KCNK2: variants seen among roughly 807,000 people sequenced by gnomAD.
The protein encoded by KCNK2 is potassium two pore domain channel subfamily K member 2, also known as potassium channel subfamily K member 2.
In KCNK2, 21 loss-of-function variants were observed where a neutral mutation model predicts 40.5. The observed-to-expected ratio is 0.52, with a 90% confidence interval of 0.37 to 0.75. The LOEUF is 0.75. Ranked by LOEUF, KCNK2 falls within the 30% of genes least tolerant of loss-of-function variation. The pLI is 0.00. For synonymous variants in KCNK2, 191 were observed against 202.2 expected, an observed-to-expected ratio of 0.94 and a Z score of 0.47; for missense variants, 399 against 531.6, an observed-to-expected ratio of 0.75 and a Z score of 2.45.
At chr1:215,079,340 G>C (rs75924026), upstream of KCNK2, among the ~76,000 whole-genome samples, 230 of 152,274 alleles carry the variant, frequency 1.5e-3, no homozygotes, top group Admixed American at 4.6e-3. Flanking sequence ...AGGCTGTACA[G>C]GCAGCATGGT....
chr1:215,053,659 A>G (rs1166910137), intron 1 of KCNK2, among the ~76,000 whole-genome samples: 1 of 152,224 alleles, frequency 6.6e-6, no homozygotes, highest in African/African-American at 2.4e-5. Flanking sequence ...TCTCTTTTGC[A>G]TTGTGTTTCT....
intron 6 of KCNK2, among the ~76,000 whole-genome samples, chr1:215,196,583 G>A (rs1664875450): frequency 6.6e-6 from 1 of 152,108 alleles, no homozygotes; most frequent in South Asian, 2.1e-4. Context: ...AAGACAATAT[G>A]CTTGACACTA....
At chr1:215,125,312 C>T (rs1418325690) in intron 3 of KCNK2, among the ~76,000 whole-genome samples, 3 of 151,708 alleles carry the variant, frequency 2.0e-5, no homozygotes, top group Non-Finnish European at 4.4e-5. Flanking sequence ...AAGTTTAGAC[C>T]CCTGATGTTT....
chr1:215,016,661 C>T (rs1656597871), intron 1 of KCNK2, among the ~76,000 whole-genome samples: 1 of 152,026 alleles, frequency 6.6e-6, no homozygotes, highest in Non-Finnish European at 1.5e-5. Context: ...CTGGACAAAA[C>T]ATGGGAAAAC....
chr1:215,044,573 T>C (rs950231711), intron 1 of KCNK2, among the ~76,000 whole-genome samples: 1 of 152,098 alleles, frequency 6.6e-6, no homozygotes, highest in African/African-American at 2.4e-5. Context: ...AGGGTGCATA[T>C]TAGAAGTTGT....
At chr1:215,080,887 T>C (rs4581247), upstream of KCNK2, among the ~76,000 whole-genome samples, 144,832 of 152,286 alleles carry the variant, frequency 0.95, 69,302 homozygotes, top group East Asian at 1. Context: ...TAAGTGTTGC[T>C]GTGAAGGTGT....
chr1:215,144,679 T>A (rs913858010), intron 3 of KCNK2, among the ~76,000 whole-genome samples: 3 of 152,116 alleles, frequency 2.0e-5, no homozygotes, highest in African/African-American at 7.2e-5. Flanking sequence ...ATTGGCTGTG[T>A]CTATGCTTAC....
chr1:215,071,012 T>C (rs188229164), intron 1 of KCNK2, among the ~76,000 whole-genome samples: 30 of 152,364 alleles, frequency 2.0e-4, no homozygotes, highest in African/African-American at 7.2e-4. Context: ...TTAATTTACT[T>C]CTACTATATG....
chr1:215,043,491 A>G (rs1657636849), intron 1 of KCNK2, among the ~76,000 whole-genome samples: 1 of 152,258 alleles, frequency 6.6e-6, no homozygotes, highest in Non-Finnish European at 1.5e-5. Context: ...TCTGACACAT[A>G]CTATGACATT....
At chr1:215,205,167 C>CT (rs1420791249) in intron 6 of KCNK2, among the ~76,000 whole-genome samples, 1 of 152,218 alleles carries the variant, frequency 6.6e-6, no homozygotes, top group Non-Finnish European at 1.5e-5. Context: ...ACTTCCTCTT[C>CT]TTTTTTGTGT....
rs373145647 is a variant in KCNK2 at position 215,085,092 on chromosome 1, T to C, written c.47-1276T>C. 2.7e-3 allele frequency among the ~76,000 whole-genome samples: 415 copies of C among 152,336 alleles called. 1 individual carries two copies. The highest frequency in any genetic ancestry group is 9.9e-3 in the South Asian group (48 of 4,830). On this transcript the variant is annotated intron_variant, in intron 1 of 6. Coordinates refer to ENST00000444842, the MANE Select transcript of KCNK2 (RefSeq NM_001017425.3). The stretch of plus-strand genomic sequence containing the variant: ...ACTGGCATTTTTTATTAGCTTCTCA[T>C]ACTGAAGTAATTTCAGATGCCTGTA...
At chr1:215,189,543 C>T (rs1664580865) in intron 5 of KCNK2, among the ~76,000 whole-genome samples, 1 of 152,184 alleles carries the variant, frequency 6.6e-6, no homozygotes. Context: ...GAACAAGTAC[C>T]TACAGGGACA....
chr1:215,106,230 T>TTGG (rs1660434400), intron 2 of KCNK2, among the ~76,000 whole-genome samples: 1 of 152,128 alleles, frequency 6.6e-6, no homozygotes, highest in South Asian at 2.1e-4. Flanking sequence ...TTCATTTTCC[T>TTGG]CTACAGTCCT....
chr1:215,110,396 GT>G (rs1660628880), intron 2 of KCNK2, among the ~76,000 whole-genome samples: 1 of 151,978 alleles, frequency 6.6e-6, no homozygotes, highest in Non-Finnish European at 1.5e-5. Context: ...TATGTATAGT[GT>G]AAGCTAAGGG....
At chr1:215,085,821 GATTT>G (rs1460195258) in intron 1 of KCNK2, among the ~76,000 whole-genome samples, 1 of 152,164 alleles carries the variant, frequency 6.6e-6, no homozygotes, top group Non-Finnish European at 1.5e-5. Flanking sequence ...AATGATGAAT[GATTT>G]ATTTTGAGTA....
intron 1 of KCNK2, among the ~76,000 whole-genome samples, chr1:215,016,051 C>G (rs965486806): frequency 4.6e-5 from 7 of 152,102 alleles, no homozygotes; most frequent in African/African-American, 1.7e-4. Context: ...TATGTATAAT[C>G]AAAACTTACT....
At chr1:215,136,107 C>T (rs1018126657) in intron 3 of KCNK2, among the ~76,000 whole-genome samples, 1 of 151,334 alleles carries the variant, frequency 6.6e-6, no homozygotes, top group African/African-American at 2.4e-5. Context: ...ATGTTACCAC[C>T]TTTTTTTTAC....
chr1:215,103,557 A>G (rs1660310269), intron 2 of KCNK2, among the ~76,000 whole-genome samples: 1 of 151,988 alleles, frequency 6.6e-6, no homozygotes, highest in Non-Finnish European at 1.5e-5. Flanking sequence ...ATCAGTTTTA[A>G]TTTCTGGGAG....
chr1:215,071,493 A>T (rs951965497), intron 1 of KCNK2, among the ~76,000 whole-genome samples: 1 of 152,204 alleles, frequency 6.6e-6, no homozygotes, highest in African/African-American at 2.4e-5. Flanking sequence ...GTTATGCTCC[A>T]GTAGCAGGCT....
Sources: allele counts gnomAD v4.1 joint callset (sites outside exome capture counted in the v4.1 genomes callset), GRCh38; gene constraint gnomAD v4.1.1; transcripts MANE v1.5; gene names NCBI Gene and HGNC (gene_info 2026-07-23, HGNC 2026-07-21).